Variants in NEURL1B observed in about 807,000 individuals in gnomAD.
NEURL1B encodes E3 ubiquitin-protein ligase NEURL1B.
NEURL1B carries 13 observed loss-of-function variants against 37.4 expected under a neutral mutation model. That is an observed-to-expected ratio of 0.35 (90% CI 0.23 to 0.55). The LOEUF (loss-of-function observed/expected upper bound fraction) is 0.55, where lower values mean the gene tolerates loss of function less well. Ranked by LOEUF, NEURL1B falls within the 20% of genes least tolerant of loss-of-function variation. The pLI, the probability that NEURL1B is intolerant of heterozygous loss-of-function variation, is 0.89. For missense variants in NEURL1B, 790 were observed against 879.2 expected (o/e 0.90, Z 1.28); for synonymous variants, 432 against 426.6 (o/e 1.01, Z -0.16).
rs11953587 is a variant in NEURL1B, at chr5:172,657,664, T to C, written c.32-12121T>C. On this transcript the variant is annotated intron_variant, in intron 1 of 4. Coordinates refer to ENST00000369800, the MANE Select transcript of NEURL1B (RefSeq NM_001142651.3). The surrounding 1 kb of genome is among the most constrained non-coding windows in gnomAD (Gnocchi z 4.0). ...TTGGTCAAGTGGTAACGCCGGTGTCTGGGAAGGCACCTGTTACTTAGCCGA... is the reference window on the plus strand; with the variant it reads ...TTGGTCAAGTGGTAACGCCGGTGTCCGGGAAGGCACCTGTTACTTAGCCGA... Among the ~76,000 whole-genome samples, 5,794 of 152,184 alleles carry C rather than the reference T, an allele frequency of 0.038. 329 individuals carry two copies. The highest frequency in any genetic ancestry group is 0.13 in the African/African-American group (5,246 of 41,488).
At chr5:172,677,124 A>G (rs1044337580) in intron 2 of NEURL1B, among the ~76,000 whole-genome samples, 6 of 152,052 alleles carry the variant, frequency 3.9e-5, no homozygotes, top group Admixed American at 6.5e-5. Context: ...GCCGGGAGGA[A>G]TGCTGCTGTG....
chr5:172,677,666 C>G (rs139106469), intron 2 of NEURL1B, among the ~76,000 whole-genome samples: 90 of 152,340 alleles, frequency 5.9e-4, no homozygotes, highest in African/African-American at 2.0e-3. Context: ...TGCCCACCCC[C>G]TCGGCCTTCC....
rs533781090 is a variant in NEURL1B at position 172,686,648 on chromosome 5, T to A, written c.1424-33T>A. On this transcript the variant is annotated intron_variant, in intron 4 of 4. Transcript: ENST00000369800. This position sits in a 1 kb window ranked among gnomAD's most constrained non-coding sequence, Gnocchi z 7.9. The stretch of plus-strand genomic sequence containing the variant: ...AACAGAGCCCACCTGAGAGAGACAT[T>A]GTTAACATATGTCCTCTTCTCCCTT... 4.6e-6 allele frequency: 7 copies of A among 1,532,856 alleles called. No individual in the cohort carries two copies. The highest frequency in any genetic ancestry group is 5.3e-6 in the Non-Finnish European group (6 of 1,132,518). The allele number at this position is 1,532,856 out of a possible 1,614,324, so 95.0% of individuals were successfully genotyped here. A position where few individuals can be genotyped will look rare whatever the true frequency, so the allele number is the denominator to read the frequency against.
Position 172,687,747 on chromosome 5 carries a change from C to CCTAT in NEURL1B, c.*825_*828dup, listed in dbSNP as rs981367366. The stretch of plus-strand genomic sequence containing the variant: ...GAGGCAAGTCTCTGTAATGCCCTTC[C>CCTAT]CTATCTCCAAGGAGAAGACCAGCAG... On this transcript the variant is annotated 3_prime_UTR_variant, in exon 5 of 5. Transcript: ENST00000369800. 6.6e-6 allele frequency: 1 copy of CCTAT among 152,038 alleles called. No homozygotes were observed. The allele number at this position is 152,038 out of a possible 1,614,324, so 9.4% of individuals were successfully genotyped here.
intron 2 of NEURL1B, among the ~76,000 whole-genome samples, chr5:172,678,473 T>G (rs1402612891): frequency 2.0e-5 from 3 of 152,152 alleles, no homozygotes; most frequent in Non-Finnish European, 4.4e-5. Flanking sequence ...GACACAACTC[T>G]TGAATCCCCC....
chr5:172,668,243 A>G (rs1440482581), intron 1 of NEURL1B, among the ~76,000 whole-genome samples: 1 of 152,148 alleles, frequency 6.6e-6, no homozygotes, highest in Non-Finnish European at 1.5e-5. Flanking sequence ...AGTGCCTGGC[A>G]TGGTGCCTGG....
Position 172,686,513 on chromosome 5 carries a change from A to G in NEURL1B, c.1424-168A>G, listed in dbSNP as rs1219451359. Among the ~76,000 whole-genome samples, 1 of 152,192 alleles carries G rather than the reference A, an allele frequency of 6.6e-6. No individual in the cohort carries two copies. Among genetic ancestry groups the G allele is most frequent in the East Asian group, 1.9e-4 (1 of 5,182 alleles). On this transcript the variant is annotated intron_variant, in intron 4 of 4. Transcript: ENST00000369800. This position sits in a 1 kb window ranked among gnomAD's most constrained non-coding sequence, Gnocchi z 7.9. ...GCATTTTATCTTGGTGTTTGGGAGT[A>G]GAAGAGTAGAGAAAGGTGCAAAACC...
At chr5:172,644,024 C>T (rs1757516734) in intron 1 of NEURL1B, among the ~76,000 whole-genome samples, 1 of 151,926 alleles carries the variant, frequency 6.6e-6, no homozygotes, top group African/African-American at 2.4e-5. Flanking sequence ...CTCCTTTGAC[C>T]CAGCTTTAAG....
At position 172,673,668 on chromosome 5, in the gene NEURL1B, A is replaced by G. The variant is rs560752712; in HGVS notation, c.577+3338A>G. ...GGCTGGAGTGCAGTGGCATGAACAC[A>G]GCTCACTGCAGCCTCGACCTCCTGG... On this transcript the variant is annotated intron_variant, in intron 2 of 4. Transcript: ENST00000369800. 5.9e-4 allele frequency among the ~76,000 whole-genome samples: 90 copies of G among 152,246 alleles called. 1 individual carries two copies. Among genetic ancestry groups the G allele is most frequent in the Non-Finnish European group, 1.1e-3 (74 of 68,002 alleles).
intron 2 of NEURL1B, among the ~76,000 whole-genome samples, chr5:172,681,458 G>C (rs1056321591): frequency 6.6e-6 from 1 of 152,070 alleles, no homozygotes; most frequent in East Asian, 1.9e-4. Context: ...TTCTTCCCTC[G>C]AGCTATGGGA....
chr5:172,668,748 C>T (rs747073826), intron 1 of NEURL1B, among the ~76,000 whole-genome samples: 30 of 152,156 alleles, frequency 2.0e-4, no homozygotes, highest in Admixed American at 3.3e-4. Context: ...AGTAATCTCC[C>T]GCCCTGCCAC....
In NEURL1B at chr5:172,683,706, G is replaced by C. The variant is rs1416748965; in HGVS notation, c.865G>C (p.Asp289His). The change falls in exon 3 of 5, where the codon GAC becomes CAC. Residue 289 changes from aspartate (D) to histidine (H), a missense_variant. Asp to His is a moderately conservative substitution (Grantham distance 81). Coordinates refer to ENST00000369800, the MANE Select transcript of NEURL1B (RefSeq NM_001142651.3). The surrounding 1 kb of genome is among the most constrained non-coding windows in gnomAD (Gnocchi z 5.6). ...GCGCTTCCACGCAACACGCGGGCCCGACGTGAGCCTGTCGGCCGACCGCAA... is the reference window on the plus strand; with the variant it reads ...GCGCTTCCACGCAACACGCGGGCCCCACGTGAGCCTGTCGGCCGACCGCAA... ...DLRFHATRGP[D>H]VSLSADRKVA... 9 of 1,357,676 alleles carry C rather than the reference G, an allele frequency of 6.6e-6. No homozygotes were observed. In the East Asian group the frequency reaches 3.3e-4, roughly 49 times the overall value. The allele number at this position is 1,357,676 out of a possible 1,614,324, so 84.1% of individuals were successfully genotyped here. A position where few individuals can be genotyped will look rare whatever the true frequency, so the allele number is the denominator to read the frequency against.
intron 1 of NEURL1B, among the ~76,000 whole-genome samples, chr5:172,656,278 G>A (rs1757774753): frequency 6.6e-6 from 1 of 152,192 alleles, no homozygotes; most frequent in Non-Finnish European, 1.5e-5. Flanking sequence ...TTAGAGTGGA[G>A]CGGGTGATCA....
Position 172,683,931 on chromosome 5 carries a change from G to T in NEURL1B, c.1090G>T (p.Asp364Tyr). The T allele has an allele frequency of 7.1e-7, 1 of 1,404,994 alleles. No homozygotes were observed. The highest frequency in any genetic ancestry group is 1.4e-5 in the South Asian group (1 of 72,004). 87.0% of individuals were successfully genotyped at this position (1,404,994 alleles called of 1,614,324 possible). ...GCCCGCCGACCCAGACGCGCTGCTCGACCGCAAAGAGTACTGGGTGGTGGC... is the reference window on the plus strand; with the variant it reads ...GCCCGCCGACCCAGACGCGCTGCTCTACCGCAAAGAGTACTGGGTGGTGGC... The part of the protein sequence containing the change: ...ELPADPDALL[D>Y]RKEYWVVARA... Residue 364 changes from aspartate to tyrosine, a missense_variant, in exon 3 of 5, where the codon GAC becomes TAC. This residue lies in a region of NEURL1B where 460 missense variants were observed against 407.4 expected (regional missense o/e 1.13). Transcript: ENST00000369800. The surrounding 1 kb of genome is among the most constrained non-coding windows in gnomAD (Gnocchi z 5.6).
intron 2 of NEURL1B, among the ~76,000 whole-genome samples, chr5:172,672,546 C>CCCG (rs1554098441): frequency 1.4e-5 from 2 of 147,384 alleles, no homozygotes; most frequent in Admixed American, 6.7e-5. Context: ...ACTCTCCCCC[C>CCCG]CCCACTCTAT....
intron 1 of NEURL1B, among the ~76,000 whole-genome samples, chr5:172,656,867 C>T (rs971196825): frequency 2.0e-5 from 3 of 152,224 alleles, no homozygotes; most frequent in East Asian, 3.8e-4. Flanking sequence ...GTCCCTCCCT[C>T]CCTCATGGGG....
chr5:172,644,254 C>A (rs1260585645), intron 1 of NEURL1B, among the ~76,000 whole-genome samples: 1 of 152,150 alleles, frequency 6.6e-6, no homozygotes, highest in Non-Finnish European at 1.5e-5. Flanking sequence ...GCATTATCAT[C>A]TCCATATTAC....
At position 172,665,259 on chromosome 5, in the gene NEURL1B, G is replaced by C. The variant is rs1328905536; in HGVS notation, c.32-4526G>C. Among the ~76,000 whole-genome samples the C allele has an allele frequency of 6.6e-6, 1 of 152,236 alleles. No homozygotes were observed. Among genetic ancestry groups the C allele is most frequent in the Non-Finnish European group, 1.5e-5 (1 of 68,040 alleles). ...GGCCTGCTGGGCACTGGGGGAAGCTGCACCAGGAGCTGAGTGTCGTGCACA... is the reference window on the plus strand; with the variant it reads ...GGCCTGCTGGGCACTGGGGGAAGCTCCACCAGGAGCTGAGTGTCGTGCACA... On this transcript the variant is annotated intron_variant, in intron 1 of 4. Transcript: ENST00000369800. The surrounding 1 kb of genome is among the most constrained non-coding windows in gnomAD (Gnocchi z 4.1).
In NEURL1B at chr5:172,670,234, G is replaced by A; in HGVS notation, c.481G>A (p.Gly161Ser). ...HGRVFYSVND[G>S]EPVLFHCGVA... ...CCGCGTGTTCTACAGCGTGAACGAC[G>A]GCGAGCCGGTGCTCTTCCACTGCGG... Residue 161 changes from glycine to serine, a missense_variant, in exon 2 of 5, where the codon GGC becomes AGC. Coordinates refer to ENST00000369800, the MANE Select transcript of NEURL1B (RefSeq NM_001142651.3). 2 of 1,412,038 alleles carry A rather than the reference G, an allele frequency of 1.4e-6. No homozygotes were observed. The highest frequency in any genetic ancestry group is 1.8e-6 in the Non-Finnish European group (2 of 1,086,590). The allele number at this position is 1,412,038 out of a possible 1,614,324, so 87.5% of individuals were successfully genotyped here. A position where few individuals can be genotyped will look rare whatever the true frequency, so the allele number is the denominator to read the frequency against.
Sources: gnomAD v4.1 joint callset for allele counts (sites outside exome capture counted in the v4.1 genomes callset) on GRCh38, gnomAD v4.1.1 for gene constraint, gnomAD v4.1.1 regional missense constraint, Gnocchi (gnomAD v3.1) non-coding constraint, MANE v1.5 for transcripts, NCBI Gene and HGNC (gene_info 2026-07-23, HGNC 2026-07-21) for gene names.